GRIK2: variants seen among roughly 807,000 people sequenced by gnomAD.
The protein encoded by GRIK2 is glutamate receptor ionotropic, kainate 2.
A neutral mutation model predicts 100.3 loss-of-function variants in GRIK2; 32 were observed. That is an observed-to-expected ratio of 0.32 (90% CI 0.24 to 0.43). The LOEUF is 0.43. Ranked by LOEUF, GRIK2 falls within the 20% of genes least tolerant of loss-of-function variation. The pLI, the probability that GRIK2 is intolerant of heterozygous loss-of-function variation, is 1.00. For synonymous variants in GRIK2, 417 were observed against 389.4 expected (o/e 1.07, Z -0.83); for missense variants, 843 against 1,114.9 (o/e 0.76, Z 3.47).
intron 11 of GRIK2, among the ~76,000 whole-genome samples, chr6:101,866,603 T>C (rs546948886): frequency 1.1e-3 from 161 of 152,238 alleles, no homozygotes; most frequent in South Asian, 0.01. Flanking sequence ...GAATTTCTAT[T>C]CCTCTGCAAA....
chr6:102,068,772 G>A lies in GRIK2; in HGVS notation c.*261G>A, dbSNP rs527973153. ...TTCTTCTGAGTGAATGTTAACATGC[G>A]CATTTTGTGGCTGATTTCAAATGCA... On this transcript the variant is annotated 3_prime_UTR_variant, in exon 17 of 17. Coordinates refer to ENST00000369134, the MANE Select transcript of GRIK2 (RefSeq NM_021956.5). 1.5e-5 allele frequency: 4 copies of A among 270,130 alleles called. No homozygotes were observed. Among genetic ancestry groups the A allele is most frequent in the African/African-American group, 2.2e-5 (1 of 45,350 alleles). The allele number at this position is 270,130 out of a possible 1,614,324, so 16.7% of individuals were successfully genotyped here.
At chr6:101,674,957 A>G (rs538746757) in intron 4 of GRIK2, among the ~76,000 whole-genome samples, 17 of 152,326 alleles carry the variant, frequency 1.1e-4, no homozygotes, top group Non-Finnish European at 2.4e-4. Flanking sequence ...ACATATGTAT[A>G]TATGTACTGA....
intron 14 of GRIK2, among the ~76,000 whole-genome samples, chr6:102,021,981 A>G (rs967261068): frequency 6.6e-6 from 1 of 150,584 alleles, no homozygotes; most frequent in Non-Finnish European, 1.5e-5. Flanking sequence ...ATGGATATAA[A>G]TATGCAAAAA....
At chr6:101,657,245 T>C (rs1036109804) in intron 4 of GRIK2, among the ~76,000 whole-genome samples, 7 of 152,174 alleles carry the variant, frequency 4.6e-5, no homozygotes, top group African/African-American at 1.7e-4. Flanking sequence ...CTTATGGTGT[T>C]CTTGTGATAG....
intron 2 of GRIK2, among the ~76,000 whole-genome samples, chr6:101,537,673 A>G (rs1775782058): frequency 6.6e-6 from 1 of 151,818 alleles, no homozygotes; most frequent in Non-Finnish European, 1.5e-5. Flanking sequence ...AACTATCAAT[A>G]GTTTCTCTAG....
intron 2 of GRIK2, among the ~76,000 whole-genome samples, chr6:101,581,286 A>ATG (rs1778081324): frequency 7.3e-6 from 1 of 137,120 alleles, no homozygotes; most frequent in Admixed American, 7.2e-5. Context: ...ATGTATACAC[A>ATG]CGTGTGTGTG....
intron 2 of GRIK2, among the ~76,000 whole-genome samples, chr6:101,576,083 T>C (rs1319613255): frequency 6.6e-6 from 1 of 152,090 alleles, no homozygotes; most frequent in South Asian, 2.1e-4. Flanking sequence ...TTATGATATA[T>C]GATATTATGA....
At chr6:101,661,462 C>A (rs1769605890) in intron 4 of GRIK2, among the ~76,000 whole-genome samples, 1 of 152,078 alleles carries the variant, frequency 6.6e-6, no homozygotes, top group Non-Finnish European at 1.5e-5. Flanking sequence ...CTGACTTCAG[C>A]CCCCTTGCCA....
intron 7 of GRIK2, among the ~76,000 whole-genome samples, chr6:101,735,706 T>C (rs1267825743): frequency 3.9e-5 from 6 of 152,164 alleles, no homozygotes; most frequent in Non-Finnish European, 8.8e-5. Flanking sequence ...ATGAGAGCTA[T>C]AAGATGAGAT....
intron 2 of GRIK2, among the ~76,000 whole-genome samples, chr6:101,399,815 C>T (rs1485718216): frequency 1.3e-5 from 2 of 152,232 alleles, no homozygotes; most frequent in Admixed American, 6.5e-5. Flanking sequence ...AACTCTTTGG[C>T]GAGTTGCGCC....
intron 14 of GRIK2, among the ~76,000 whole-genome samples, chr6:101,951,740 C>T (rs1360572233): frequency 6.6e-6 from 1 of 152,116 alleles, no homozygotes; most frequent in Non-Finnish European, 1.5e-5. Flanking sequence ...GAGTAGTTCC[C>T]CTGCACATAC....
intron 7 of GRIK2, among the ~76,000 whole-genome samples, chr6:101,741,875 A>G (rs1776050375): frequency 6.6e-6 from 1 of 152,238 alleles, no homozygotes; most frequent in African/African-American, 2.4e-5. Flanking sequence ...TAATTTAAGC[A>G]TGGCATTACT....
Position 101,996,383 on chromosome 6 carries a change from T to C in GRIK2, c.2086-38958T>C, listed in dbSNP as rs567488779. Among the ~76,000 whole-genome samples, 51 of 152,184 alleles carry C rather than the reference T, an allele frequency of 3.4e-4. 1 individual carries two copies. Among genetic ancestry groups the C allele is most frequent in the African/African-American group, 1.2e-3 (48 of 41,554 alleles). On this transcript the variant is annotated intron_variant, in intron 14 of 16. Transcript: ENST00000369134. ...GAAGAAATAATGTTTTTAACTACTTTAATTATGCTTCTTTCTTTCCTATTG... is the reference window on the plus strand; with the variant it reads ...GAAGAAATAATGTTTTTAACTACTTCAATTATGCTTCTTTCTTTCCTATTG...
At chr6:101,985,462 G>C (rs180917586) in intron 14 of GRIK2, among the ~76,000 whole-genome samples, 2 of 151,628 alleles carry the variant, frequency 1.3e-5, no homozygotes, top group African/African-American at 4.8e-5. Context: ...TGAATATAGG[G>C]TATAAAGTCT....
chr6:101,658,159 A>G (rs1769335596), intron 4 of GRIK2, among the ~76,000 whole-genome samples: 1 of 152,116 alleles, frequency 6.6e-6, no homozygotes, highest in Non-Finnish European at 1.5e-5. Context: ...GCATCCATCA[A>G]CCCATTGTCT....
chr6:102,048,245 T>C (rs1771000148), intron 15 of GRIK2, among the ~76,000 whole-genome samples: 1 of 151,804 alleles, frequency 6.6e-6, no homozygotes, highest in Non-Finnish European at 1.5e-5. Flanking sequence ...AGGTCAGAAA[T>C]TGTAGAAGTA....
intron 7 of GRIK2, among the ~76,000 whole-genome samples, chr6:101,789,522 A>G (rs999379176): frequency 2.0e-5 from 3 of 151,982 alleles, no homozygotes; most frequent in East Asian, 1.9e-4. Context: ...TTGTAGATAC[A>G]TGGCGTTATT....
At chr6:101,609,098 TC>T (rs1259832213) in intron 2 of GRIK2, among the ~76,000 whole-genome samples, 1 of 151,836 alleles carries the variant, frequency 6.6e-6, no homozygotes, top group Non-Finnish European at 1.5e-5. Flanking sequence ...GCATGCAAAC[TC>T]ATATATGTAC....
chr6:101,780,511 ATGCATGTAAAGAAATCAGCACAG>A (rs1160770593), intron 7 of GRIK2, among the ~76,000 whole-genome samples: 1 of 152,214 alleles, frequency 6.6e-6, no homozygotes, highest in Non-Finnish European at 1.5e-5. Flanking sequence ...AAATGAGATA[ATGCATGTAAAGAAATCAGCACAG>A]TTCTGTGGCA....
Sources: gnomAD v4.1 joint callset for allele counts (sites outside exome capture counted in the v4.1 genomes callset) on GRCh38, gnomAD v4.1.1 for gene constraint, MANE v1.5 for transcripts, NCBI Gene and HGNC (gene_info 2026-07-23, HGNC 2026-07-21) for gene names.